The following NALCN variants were observed in gnomAD, a reference collection of about 807,000 sequenced individuals.
NALCN encodes the protein sodium leak channel, non-selective.
In NALCN, 111 loss-of-function variants were observed where a neutral mutation model predicts 225.3. The ratio of observed to expected loss-of-function variants is 0.49; its 90% CI spans 0.42 to 0.58. The LOEUF is 0.58. Ranked by LOEUF, NALCN falls within the 20% of genes least tolerant of loss-of-function variation. The pLI, the probability that NALCN is intolerant of heterozygous loss-of-function variation, is 0.00. For synonymous variants in NALCN, 764 were observed against 769.0 expected (o/e 0.99, Z 0.11); for missense variants, 1,378 against 2,202.4 (o/e 0.63, Z 7.49).
At chr13:101,301,246 C>T (rs989691259) in intron 7 of NALCN, among the ~76,000 whole-genome samples, 15 of 152,274 alleles carry the variant, frequency 9.9e-5, no homozygotes, top group East Asian at 3.9e-4. Flanking sequence ...TCAGTCCACA[C>T]GCCAACTACA....
intron 13 of NALCN, among the ~76,000 whole-genome samples, chr13:101,201,870 T>G (rs2040136711): frequency 6.6e-6 from 1 of 152,188 alleles, no homozygotes; most frequent in Admixed American, 6.5e-5. Context: ...AAATAAAATC[T>G]ACTTGATGAT....
At chr13:101,376,016 C>T (rs1347314177) in intron 6 of NALCN, among the ~76,000 whole-genome samples, 2 of 152,134 alleles carry the variant, frequency 1.3e-5, no homozygotes, top group Non-Finnish European at 2.9e-5. Flanking sequence ...AATTAAAGTA[C>T]ATACATTCTA....
chr13:101,414,645 A>G (rs2047882729), intron 1 of NALCN, among the ~76,000 whole-genome samples: 1 of 152,234 alleles, frequency 6.6e-6, no homozygotes, highest in Non-Finnish European at 1.5e-5. Context: ...ATTGCAACTA[A>G]ATGACACTAT....
At position 101,292,024 on chromosome 13, in the gene NALCN, G is replaced by A. The variant is rs773688637; in HGVS notation, c.1013C>T (p.Ser338Leu). The A allele has an allele frequency of 1.9e-6, 3 of 1,613,952 alleles. No individual in the cohort carries two copies. Among genetic ancestry groups the A allele is most frequent in the South Asian group, 1.1e-5 (1 of 91,074 alleles). The stretch of plus-strand genomic sequence containing the variant: ...GGCTGTTGAGGTAGTGCTGCTTCTC[G>A]ATCCCCACATTTGTTGAAACTGTAC... ...IRVQFQQMWG[S>L]RSSTTSTATT... Residue 338 changes from serine to leucine, a missense_variant, in exon 9 of 44, where the codon TCG (serine) becomes TTG (leucine). By Grantham distance (145) the Ser-to-Leu change is moderately radical (BLOSUM62 -2). Transcript: ENST00000251127. The surrounding 1 kb of genome is among the most constrained non-coding windows in gnomAD (Gnocchi z 4.3).
intron 17 of NALCN, among the ~76,000 whole-genome samples, chr13:101,131,644 C>T (rs1004353550): frequency 6.6e-6 from 1 of 152,168 alleles, no homozygotes. Context: ...TTCTACCATT[C>T]CATGAACATT....
At chr13:101,139,673 A>G (rs946807120) in intron 17 of NALCN, among the ~76,000 whole-genome samples, 2 of 152,020 alleles carry the variant, frequency 1.3e-5, no homozygotes. Context: ...TCCAAAGGCA[A>G]TTGGGATTTT....
chr13:101,293,813 G>A (rs563478733), intron 7 of NALCN, among the ~76,000 whole-genome samples: 1 of 152,300 alleles, frequency 6.6e-6, no homozygotes, highest in African/African-American at 2.4e-5. Context: ...CGCCTATTAT[G>A]CATTAATGTG....
At chr13:101,143,446 T>A (rs963946913) in intron 16 of NALCN, among the ~76,000 whole-genome samples, 5 of 151,890 alleles carry the variant, frequency 3.3e-5, no homozygotes, top group African/African-American at 1.2e-4. Flanking sequence ...TATTACTCAG[T>A]AACCGATGGT....
intron 39 of NALCN, among the ~76,000 whole-genome samples, chr13:101,067,239 A>G (rs1452050412): frequency 1.2e-4 from 13 of 109,966 alleles, no homozygotes; most frequent in African/African-American, 4.7e-4. Context: ...AGGAGGAGGT[A>G]GGGGGGAAGA....
intron 11 of NALCN, among the ~76,000 whole-genome samples, chr13:101,238,488 C>A (rs780838215): frequency 4.6e-5 from 7 of 151,796 alleles, no homozygotes; most frequent in Non-Finnish European, 8.8e-5. Flanking sequence ...AATTAATGAT[C>A]AATATTAGTA....
rs565687311 is a variant in NALCN, at chr13:101,292,982, G to C, written c.800-616C>G. On this transcript the variant is annotated intron_variant, in intron 7 of 43. Coordinates refer to ENST00000251127, the MANE Select transcript of NALCN (RefSeq NM_052867.4). This position sits in a 1 kb window ranked among gnomAD's most constrained non-coding sequence, Gnocchi z 4.3. ...AGTACTTCTAGTAATGGAAAGAAAG[G>C]AAAGCTAAAAATATGTGGATAGATT... 3.3e-5 allele frequency among the ~76,000 whole-genome samples: 5 copies of C among 152,278 alleles called. No homozygotes were observed. The highest frequency in any genetic ancestry group is 5.9e-5 in the Non-Finnish European group (4 of 68,014).
intron 7 of NALCN, among the ~76,000 whole-genome samples, chr13:101,296,731 TTGG>T (rs1325129999): frequency 2.0e-5 from 3 of 152,212 alleles, no homozygotes; most frequent in Admixed American, 2.0e-4. Flanking sequence ...TGGAGAGCTC[TTGG>T]AATAGCACTA....
At position 101,143,188 on chromosome 13, in the gene NALCN, C is replaced by G; in HGVS notation, c.2010G>C (p.Gln670His). The stretch of plus-strand genomic sequence containing the variant: ...TCAGGAGGCAACATGTGTCCTGTTG[C>G]TGGCGGTCAATAAACTGCTTCATAA... ...ESFMKQFIDR[Q>H]QQDTCCLLRS... Residue 670 changes from glutamine to histidine, a missense_variant, in exon 17 of 44, where the codon CAG (glutamine) becomes CAC (histidine). By Grantham distance (24) the Gln-to-His change is conservative (BLOSUM62 0). Around this residue, in one of 19 missense-constraint regions of NALCN, gnomAD observed 100 missense variants for 89.4 expected, o/e 1.12. Transcript: ENST00000251127. 2 of 1,612,678 alleles carry G rather than the reference C, an allele frequency of 1.2e-6. No individual in the cohort carries two copies. The highest frequency in any genetic ancestry group is 1.7e-6 in the Non-Finnish European group (2 of 1,179,514).
At chr13:101,398,175 G>A (rs1412579077) in intron 2 of NALCN, among the ~76,000 whole-genome samples, 1 of 152,148 alleles carries the variant, frequency 6.6e-6, no homozygotes, top group Non-Finnish European at 1.5e-5. Flanking sequence ...TGATTATAAA[G>A]CAGAAGCGTG....
rs74870998 is a variant in NALCN, at chr13:101,216,740, C to T, written c.1626+12653G>A. 3.4e-4 allele frequency among the ~76,000 whole-genome samples: 51 copies of T among 152,100 alleles called. No individual in the cohort carries two copies. In the East Asian group the frequency reaches 9.3e-3, roughly 28 times the overall value. On this transcript the variant is annotated intron_variant, in intron 13 of 43. Transcript: ENST00000251127. ...AAATTTTTTGGTAATTCCTTTAATA[C>T]AACTAACTGCACGACTAGTCATTTT...
chr13:101,369,792 T>C (rs536508954), intron 6 of NALCN, among the ~76,000 whole-genome samples: 4 of 152,180 alleles, frequency 2.6e-5, no homozygotes, highest in African/African-American at 9.6e-5. Context: ...CTACATACAC[T>C]AAAAAAATAA....
At chr13:101,339,491 A>G (rs1429272045) in intron 7 of NALCN, among the ~76,000 whole-genome samples, 1 of 152,166 alleles carries the variant, frequency 6.6e-6, no homozygotes, top group Non-Finnish European at 1.5e-5. Flanking sequence ...TAAATGGAAG[A>G]AAGAGACAGA....
chr13:101,364,616 G>A (rs2046332528), intron 6 of NALCN, among the ~76,000 whole-genome samples: 1 of 152,088 alleles, frequency 6.6e-6, no homozygotes, highest in African/African-American at 2.4e-5. Flanking sequence ...AAAGGTTGGT[G>A]AATGGGTACA....
chr13:101,145,062 CTA>C (rs1416211771), intron 15 of NALCN, among the ~76,000 whole-genome samples, 166 bp from the exon 16 acceptor site: 1 of 152,068 alleles, frequency 6.6e-6, no homozygotes, highest in African/African-American at 2.4e-5. Context: ...ATAAATTGCT[CTA>C]TGAGCTAAAA....
Sources: gnomAD v4.1 joint callset for allele counts (sites outside exome capture counted in the v4.1 genomes callset) on GRCh38, gnomAD v4.1.1 for gene constraint, gnomAD v4.1.1 regional missense constraint, Gnocchi (gnomAD v3.1) non-coding constraint, MANE v1.5 for transcripts, NCBI Gene and HGNC (gene_info 2026-07-23, HGNC 2026-07-21) for gene names.